Variants in NLGN1 observed in about 807,000 individuals in gnomAD.
The protein encoded by NLGN1 is neuroligin 1.
A neutral mutation model predicts 65.5 loss-of-function variants in NLGN1; 12 were observed. That is an observed-to-expected ratio of 0.18 (90% CI 0.12 to 0.30). The LOEUF (loss-of-function observed/expected upper bound fraction) is 0.30, where lower values mean the gene tolerates loss of function less well. Ranked by LOEUF, NLGN1 falls within the 10% of genes least tolerant of loss-of-function variation. The probability of loss-of-function intolerance (pLI) is 1.00; values close to 1 mark genes in which losing one functional copy is unlikely to be tolerated. For synonymous variants in NLGN1, 350 were observed against 359.5 expected, an observed-to-expected ratio of 0.97 and a Z score of 0.30; for missense variants, 750 against 1,007.1, an observed-to-expected ratio of 0.74 and a Z score of 3.46.
At chr3:173,430,235 G>A (rs1336163527) in intron 1 of NLGN1, among the ~76,000 whole-genome samples, 1 of 151,936 alleles carries the variant, frequency 6.6e-6, no homozygotes, top group Non-Finnish European at 1.5e-5. Flanking sequence ...TTTTCATTTC[G>A]CTGTGATAAC....
At chr3:174,199,208 G>T (rs1319518219) in intron 4 of NLGN1, among the ~76,000 whole-genome samples, 1 of 152,030 alleles carries the variant, frequency 6.6e-6, no homozygotes. Context: ...ACCTTGCTAC[G>T]CTGAGAGTAT....
chr3:174,047,999 A>G (rs540013491), intron 4 of NLGN1, among the ~76,000 whole-genome samples: 4 of 152,056 alleles, frequency 2.6e-5, no homozygotes, highest in African/African-American at 4.8e-5. Flanking sequence ...CTAGAAAGCA[A>G]TTAAAGGGAG....
At chr3:174,018,540 C>A (rs1249138318) in intron 4 of NLGN1, among the ~76,000 whole-genome samples, 1 of 152,208 alleles carries the variant, frequency 6.6e-6, no homozygotes, top group African/African-American at 2.4e-5. Context: ...TCTGCCATGG[C>A]TTCAGCCGGT....
chr3:173,397,663 C>G (rs1421478108), upstream of NLGN1: 1 of 152,600 alleles, frequency 6.6e-6, no homozygotes, highest in African/African-American at 2.4e-5. Flanking sequence ...TGCCCCAGCT[C>G]TCCTCGCCGC....
At chr3:173,825,232 T>G (rs1247044561) in intron 4 of NLGN1, among the ~76,000 whole-genome samples, 1 of 152,120 alleles carries the variant, frequency 6.6e-6, no homozygotes, top group Non-Finnish European at 1.5e-5. Context: ...AGAAAGCTTT[T>G]GAGCAAAAAT....
intron 2 of NLGN1, among the ~76,000 whole-genome samples, chr3:173,450,226 CT>C (rs1451073309): frequency 9.2e-5 from 14 of 152,110 alleles, no homozygotes; most frequent in African/African-American, 3.1e-4. Context: ...ATGTTTAGTG[CT>C]TCCTTCAGGA....
chr3:173,451,783 C>T (rs999519680), intron 2 of NLGN1, among the ~76,000 whole-genome samples: 3 of 152,194 alleles, frequency 2.0e-5, no homozygotes, highest in African/African-American at 7.2e-5. Context: ...CGCAGCCTCG[C>T]TGCCACCTTG....
At chr3:173,448,471 T>A (rs1474294314) in intron 2 of NLGN1, among the ~76,000 whole-genome samples, 6 of 152,236 alleles carry the variant, frequency 3.9e-5, no homozygotes, top group African/African-American at 7.2e-5. Context: ...TGCCAGTATT[T>A]TATTGAGGAT....
chr3:173,968,586 T>A (rs1325793808), intron 4 of NLGN1, among the ~76,000 whole-genome samples: 1 of 151,066 alleles, frequency 6.6e-6, no homozygotes, highest in African/African-American at 2.4e-5. Flanking sequence ...AGAATATATA[T>A]AATGAATGCC....
chr3:173,711,119 A>G (rs1768891775), intron 3 of NLGN1, among the ~76,000 whole-genome samples: 1 of 152,212 alleles, frequency 6.6e-6, no homozygotes, highest in Non-Finnish European at 1.5e-5. Context: ...GAAAAGACAT[A>G]AAATCAAGAG....
chr3:174,200,116 C>T (rs1734162698), intron 4 of NLGN1, among the ~76,000 whole-genome samples: 1 of 152,160 alleles, frequency 6.6e-6, no homozygotes, highest in South Asian at 2.1e-4. Flanking sequence ...GACTTCAGCT[C>T]CTTTGCCTCT....
At chr3:173,897,005 T>C (rs1229376919) in intron 4 of NLGN1, among the ~76,000 whole-genome samples, 2 of 152,218 alleles carry the variant, frequency 1.3e-5, no homozygotes, top group East Asian at 3.9e-4. Flanking sequence ...TACTCTTGTT[T>C]CTTATTCAAC....
chr3:174,262,575 T>C (rs1289129414), intron 4 of NLGN1, among the ~76,000 whole-genome samples: 4 of 149,384 alleles, frequency 2.7e-5, no homozygotes, highest in African/African-American at 4.9e-5. Context: ...TTCTTCTCTC[T>C]TTTTTTCTTT....
intron 2 of NLGN1, among the ~76,000 whole-genome samples, chr3:173,489,753 C>T (rs1344087542): frequency 1.3e-5 from 2 of 151,716 alleles, no homozygotes; most frequent in African/African-American, 4.9e-5. Context: ...CCTGTTGTTT[C>T]CTGACTTTTT....
intron 4 of NLGN1, among the ~76,000 whole-genome samples, chr3:173,900,200 A>C (rs1183805567): frequency 6.6e-6 from 1 of 152,136 alleles, no homozygotes; most frequent in Non-Finnish European, 1.5e-5. Flanking sequence ...AAAAACATTA[A>C]TTTGTCAAAT....
intron 4 of NLGN1, among the ~76,000 whole-genome samples, chr3:173,841,895 A>G (rs555039791): frequency 1.3e-5 from 2 of 152,346 alleles, no homozygotes; most frequent in East Asian, 3.9e-4. Flanking sequence ...TAGTAGGGAC[A>G]GTATCTCAAA....
chr3:173,760,419 A>G (rs959634480), intron 3 of NLGN1, among the ~76,000 whole-genome samples: 1 of 151,956 alleles, frequency 6.6e-6, no homozygotes, highest in African/African-American at 2.4e-5. Context: ...ATAGTTTCAT[A>G]CAATTTTAGA....
chr3:173,458,298 G>T (rs574397206), intron 2 of NLGN1, among the ~76,000 whole-genome samples: 8 of 152,024 alleles, frequency 5.3e-5, no homozygotes, highest in Middle Eastern at 3.4e-3. Context: ...GCATAATCCT[G>T]AAGGTCAGAC....
At chr3:173,781,964 T>TG (rs1781235009) in intron 3 of NLGN1, among the ~76,000 whole-genome samples, 1 of 152,224 alleles carries the variant, frequency 6.6e-6, no homozygotes, top group South Asian at 2.1e-4. Context: ...AAGGGAAGGT[T>TG]GAGATCCCAC....
Sources: allele counts gnomAD v4.1 joint callset (sites outside exome capture counted in the v4.1 genomes callset), GRCh38; gene constraint gnomAD v4.1.1; transcripts MANE v1.5; gene names NCBI Gene and HGNC (gene_info 2026-07-23, HGNC 2026-07-21).